The following EPHA3 variants were observed in gnomAD, a reference collection of about 807,000 sequenced individuals.
The protein encoded by EPHA3 is EPH receptor A3, also known as ephrin type-A receptor 3.
EPHA3 carries 42 observed loss-of-function variants against 107.1 expected under a neutral mutation model. That is an observed-to-expected ratio of 0.39 (90% confidence interval 0.31 to 0.51). The LOEUF is 0.51. EPHA3 is among the 20% of genes least tolerant of loss of function. The probability of loss-of-function intolerance (pLI) is 0.78; values close to 1 mark genes in which losing one functional copy is unlikely to be tolerated. For synonymous variants in EPHA3, 461 were observed against 424.8 expected, an observed-to-expected ratio of 1.09 and a Z score of -1.05; for missense variants, 1,183 against 1,211.2, an observed-to-expected ratio of 0.98 and a Z score of 0.35.
intron 5 of EPHA3, among the ~76,000 whole-genome samples, chr3:89,370,767 C>G (rs745640130): frequency 6.6e-6 from 1 of 151,644 alleles, no homozygotes; most frequent in Non-Finnish European, 1.5e-5. Context: ...AAGGAAGTCT[C>G]TTTCTCTCAA....
intron 2 of EPHA3, among the ~76,000 whole-genome samples, chr3:89,194,692 T>G (rs188409110): frequency 6.6e-6 from 1 of 152,220 alleles, no homozygotes; most frequent in East Asian, 1.9e-4. Flanking sequence ...TTTTTTATAG[T>G]CAATATCTGT....
intron 2 of EPHA3, among the ~76,000 whole-genome samples, chr3:89,206,589 G>C (rs1479538986): frequency 6.6e-6 from 1 of 152,146 alleles, no homozygotes; most frequent in African/African-American, 2.4e-5. Context: ...AATGTTACTA[G>C]AGAAGACTCT....
intron 15 of EPHA3, among the ~76,000 whole-genome samples, chr3:89,468,455 T>C (rs1017923335): frequency 2.0e-5 from 3 of 152,188 alleles, no homozygotes; most frequent in African/African-American, 4.8e-5. Flanking sequence ...TTCTGCATTT[T>C]GCTATTAGGC....
At chr3:89,333,980 A>G (rs1445004904) in intron 3 of EPHA3, among the ~76,000 whole-genome samples, 1 of 152,168 alleles carries the variant, frequency 6.6e-6, no homozygotes, top group Non-Finnish European at 1.5e-5. Flanking sequence ...TCTTGTCATT[A>G]AAAGAGAAAA....
chr3:89,330,806 A>T (rs937197653), intron 3 of EPHA3, among the ~76,000 whole-genome samples: 57 of 152,238 alleles, frequency 3.7e-4, no homozygotes, highest in African/African-American at 1.3e-3. Flanking sequence ...AAAATCCTGG[A>T]TTTAAAAAAG....
intron 3 of EPHA3, among the ~76,000 whole-genome samples, chr3:89,322,768 C>T (rs1490755716): frequency 1.3e-5 from 2 of 152,178 alleles, no homozygotes; most frequent in African/African-American, 2.4e-5. Flanking sequence ...CTTTTACCAG[C>T]AAGTACAAAG....
chr3:89,300,103 T>A (rs1706447371), intron 3 of EPHA3, among the ~76,000 whole-genome samples: 1 of 152,034 alleles, frequency 6.6e-6, no homozygotes, highest in African/African-American at 2.4e-5. Flanking sequence ...TCTTCGATAA[T>A]TGGGATTACT....
At chr3:89,298,150 A>G (rs1037678677) in intron 3 of EPHA3, among the ~76,000 whole-genome samples, 4 of 152,156 alleles carry the variant, frequency 2.6e-5, no homozygotes, top group Non-Finnish European at 5.9e-5. Context: ...CGAGCACCAA[A>G]TCCCATGCCT....
At chr3:89,157,654 A>G (rs1377102963) in intron 2 of EPHA3, among the ~76,000 whole-genome samples, 1 of 152,026 alleles carries the variant, frequency 6.6e-6, no homozygotes, top group Non-Finnish European at 1.5e-5. Flanking sequence ...ACCCAGAAGC[A>G]GAGATGAAAC....
chr3:89,334,976 A>C (rs532990528), intron 3 of EPHA3, among the ~76,000 whole-genome samples: 1 of 152,216 alleles, frequency 6.6e-6, no homozygotes, highest in South Asian at 2.1e-4. Flanking sequence ...TATAAGTGAC[A>C]TATAAAAACG....
At chr3:89,244,155 T>C (rs1704976186) in intron 3 of EPHA3, among the ~76,000 whole-genome samples, 1 of 152,138 alleles carries the variant, frequency 6.6e-6, no homozygotes, top group South Asian at 2.1e-4. Context: ...AAACTGTAAT[T>C]CTGAAAAAAT....
At chr3:89,328,864 A>G (rs571219757) in intron 3 of EPHA3, among the ~76,000 whole-genome samples, 10 of 152,264 alleles carry the variant, frequency 6.6e-5, no homozygotes, top group Non-Finnish European at 1.3e-4. Context: ...CATTACCTGT[A>G]GGTATGAACT....
chr3:89,125,228 A>T (rs1704069888), intron 1 of EPHA3, among the ~76,000 whole-genome samples: 1 of 151,926 alleles, frequency 6.6e-6, no homozygotes, highest in East Asian at 1.9e-4. Context: ...CCCTAAGGAC[A>T]TTGCAAATAT....
At chr3:89,396,020 C>T in intron 6 of EPHA3, 59 bp downstream of exon 6, 1 of 1,591,314 alleles carries the variant, frequency 6.3e-7, no homozygotes, top group Non-Finnish European at 8.6e-7. Flanking sequence ...TCCTCATGAG[C>T]TGTGCTCTTG....
chr3:89,243,246 A>G (rs1461639952), intron 3 of EPHA3, among the ~76,000 whole-genome samples: 1 of 152,144 alleles, frequency 6.6e-6, no homozygotes, highest in Non-Finnish European at 1.5e-5. Context: ...GCAGCATGAT[A>G]TATAATCCTC....
At chr3:89,109,752 A>G (rs1327134565) in intron 1 of EPHA3, among the ~76,000 whole-genome samples, 3 of 152,034 alleles carry the variant, frequency 2.0e-5, no homozygotes, top group African/African-American at 4.8e-5. Context: ...CATTAACCAT[A>G]TGGATATAGA....
rs146323357 is a variant in EPHA3 at position 89,239,187 on chromosome 3, T to A, written c.814+28667T>A. Among the ~76,000 whole-genome samples the A allele has an allele frequency of 6.4e-3, 967 of 152,260 alleles. 11 individuals carry two copies. The highest frequency in any genetic ancestry group is 0.022 in the African/African-American group (905 of 41,550). On this transcript the variant is annotated intron_variant, in intron 3 of 16. Transcript: ENST00000336596. ...ACTGTATACACTGCACTATGGAATA[T>A]CAAAAGCAGTCAGTCCTCACTCAAA...
intron 3 of EPHA3, among the ~76,000 whole-genome samples, chr3:89,322,128 G>C (rs888998021): frequency 6.6e-6 from 1 of 151,608 alleles, no homozygotes; most frequent in South Asian, 2.1e-4. Flanking sequence ...ACACAGAGGG[G>C]GGTTGGAGAG....
Position 89,317,448 on chromosome 3 carries a change from A to T in EPHA3, c.815-23468A>T, listed in dbSNP as rs541798422. Among the ~76,000 whole-genome samples, 11 of 151,864 alleles carry T rather than the reference A, an allele frequency of 7.2e-5. 1 individual carries two copies. The highest frequency in any genetic ancestry group is 2.7e-4 in the African/African-American group (11 of 41,482). The stretch of plus-strand genomic sequence containing the variant: ...GGGGTGGAGAGGGATATGTGTAAAT[A>T]GAGGGATAAAGCAAAGTAGCAAAAT... On this transcript the variant is annotated intron_variant, in intron 3 of 16. Transcript: ENST00000336596.
Sources: gnomAD v4.1 joint callset for allele counts (sites outside exome capture counted in the v4.1 genomes callset) on GRCh38, gnomAD v4.1.1 for gene constraint, MANE v1.5 for transcripts, NCBI Gene and HGNC (gene_info 2026-07-23, HGNC 2026-07-21) for gene names.